Variants in CCBE1 observed in about 807,000 individuals in gnomAD.
The protein encoded by CCBE1 is collagen and calcium binding EGF domains 1.
In CCBE1, 37 loss-of-function variants were observed where a neutral mutation model predicts 50.0. That is an observed-to-expected ratio of 0.74 (90% CI 0.57 to 0.97). The LOEUF is 0.97. Ranked by LOEUF, CCBE1 falls within the 50% of genes least tolerant of loss-of-function variation. CCBE1 has a pLI of 0.00. For missense variants in CCBE1, 538 were observed against 523.8 expected (o/e 1.03, Z -0.26); for synonymous variants, 234 against 203.7 (o/e 1.15, Z -1.27).
At chr18:59,673,075 C>T (rs182786925) in intron 2 of CCBE1, among the ~76,000 whole-genome samples, 12 of 152,212 alleles carry the variant, frequency 7.9e-5, no homozygotes, top group African/African-American at 2.6e-4. Context: ...ATGGCTCCAC[C>T]GCTGGTAAGT....
chr18:59,621,213 C>G (rs1240976791), intron 2 of CCBE1, among the ~76,000 whole-genome samples: 2 of 152,214 alleles, frequency 1.3e-5, no homozygotes, highest in Non-Finnish European at 2.9e-5. Flanking sequence ...CAGCTAAAAG[C>G]AAACTCCCCA....
At chr18:59,540,721 G>A (rs9957878) in intron 2 of CCBE1, among the ~76,000 whole-genome samples, 42,232 of 151,978 alleles carry the variant, frequency 0.28, 6,051 homozygotes, top group African/African-American at 0.33. Flanking sequence ...GTTTTGTTTG[G>A]AACACAGACA....
At chr18:59,602,339 T>A (rs988187026) in intron 2 of CCBE1, among the ~76,000 whole-genome samples, 1 of 152,100 alleles carries the variant, frequency 6.6e-6, no homozygotes, top group Non-Finnish European at 1.5e-5. Context: ...ATCATGAAGT[T>A]ATACACACTA....
chr18:59,600,731 G>A (rs1215959387), intron 2 of CCBE1, among the ~76,000 whole-genome samples: 2 of 152,116 alleles, frequency 1.3e-5, no homozygotes, highest in Non-Finnish European at 2.9e-5. Flanking sequence ...CACTGGGGCT[G>A]GTTACCACCA....
rs151049197 is a variant in CCBE1 at position 59,594,842 on chromosome 18, G to A, written c.212+101787C>T. On this transcript the variant is annotated intron_variant, in intron 2 of 10. Coordinates refer to ENST00000439986, the MANE Select transcript of CCBE1 (RefSeq NM_133459.4). ...AGAATAGCAGTTCTCAGCCGGGCGC[G>A]GTGGCTCACACCTATAATCCCAGCA... Among the ~76,000 whole-genome samples the A allele has an allele frequency of 1.3e-3, 196 of 152,066 alleles. 1 individual carries two copies. The highest frequency in any genetic ancestry group is 4.2e-3 in the African/African-American group (176 of 41,478).
Position 59,466,847 on chromosome 18 carries a change from T to C in CCBE1, c.445A>G (p.Ile149Val), listed in dbSNP as rs202039064. The change falls in exon 5 of 11, where the codon ATC becomes GTC. Residue 149 changes from isoleucine to valine, a missense_variant. Physicochemically the swap from Ile to Val is conservative, Grantham distance 29. Transcript: ENST00000439986. The part of the protein sequence containing the change: ...ASSNGTLCAH[I>V]CINTLGSYRC... ...TAGCTGCCCAAGGTATTGATGCAGA[T>C]GTGGGCACACAGCGTCCCATTGCTG... 19 of 1,613,598 alleles carry C rather than the reference T, an allele frequency of 1.2e-5. No homozygotes were observed. The African/African-American group carries it at 2.4e-4, about 20-fold the overall frequency.
At chr18:59,671,821 A>AGGG (rs1555706971) in intron 2 of CCBE1, among the ~76,000 whole-genome samples, 27 of 139,946 alleles carry the variant, frequency 1.9e-4, no homozygotes, top group South Asian at 9.9e-4. Flanking sequence ...TTAAAAAAAA[A>AGGG]GGGGGGGGGT....
chr18:59,583,972 C>G (rs1483514708), intron 2 of CCBE1, among the ~76,000 whole-genome samples: 6 of 152,086 alleles, frequency 3.9e-5, no homozygotes, highest in Non-Finnish European at 8.8e-5. Flanking sequence ...ACAAGAAATA[C>G]CATTTGACCC....
At chr18:59,579,115 C>T (rs904521279) in intron 2 of CCBE1, among the ~76,000 whole-genome samples, 3 of 152,064 alleles carry the variant, frequency 2.0e-5, no homozygotes, top group Non-Finnish European at 4.4e-5. Context: ...GATTTCTTAT[C>T]CAACTTCTCC....
At chr18:59,484,278 T>G (rs1568164627) in intron 2 of CCBE1, among the ~76,000 whole-genome samples, 1 of 152,214 alleles carries the variant, frequency 6.6e-6, no homozygotes, top group Non-Finnish European at 1.5e-5. Context: ...CTCCAGTGAT[T>G]CATGAGAAAG....
chr18:59,499,648 C>T (rs550062346), intron 2 of CCBE1, among the ~76,000 whole-genome samples: 1 of 152,294 alleles, frequency 6.6e-6, no homozygotes, highest in East Asian at 1.9e-4. Flanking sequence ...AAGAACTGCC[C>T]TCGTGATTCA....
At chr18:59,580,677 G>T (rs2053071050) in intron 2 of CCBE1, among the ~76,000 whole-genome samples, 1 of 152,218 alleles carries the variant, frequency 6.6e-6, no homozygotes, top group Non-Finnish European at 1.5e-5. Context: ...CTGGTGTCTG[G>T]ACGAGGGTGG....
chr18:59,646,710 C>T (rs1482187866), intron 2 of CCBE1, among the ~76,000 whole-genome samples: 1 of 152,232 alleles, frequency 6.6e-6, no homozygotes, highest in Non-Finnish European at 1.5e-5. Flanking sequence ...TCAGCAGAGA[C>T]ATGACAGGTC....
At chr18:59,504,723 C>A (rs1031521675) in intron 2 of CCBE1, among the ~76,000 whole-genome samples, 1 of 152,210 alleles carries the variant, frequency 6.6e-6, no homozygotes, top group East Asian at 1.9e-4. Context: ...GCGATGTCCT[C>A]CTGCCTCCAC....
chr18:59,456,290 G>C (rs1382235882), intron 5 of CCBE1, among the ~76,000 whole-genome samples: 4 of 152,198 alleles, frequency 2.6e-5, no homozygotes, highest in Non-Finnish European at 5.9e-5. Context: ...GTTACAGGTT[G>C]AATTGTGTCC....
chr18:59,549,814 TC>T (rs1464249926), intron 2 of CCBE1, among the ~76,000 whole-genome samples: 2 of 152,224 alleles, frequency 1.3e-5, no homozygotes, highest in Non-Finnish European at 2.9e-5. Context: ...TTGATTCTTC[TC>T]AATAGGCATG....
intron 2 of CCBE1, among the ~76,000 whole-genome samples, chr18:59,536,034 T>G (rs111960619): frequency 3.9e-5 from 6 of 152,358 alleles, no homozygotes; most frequent in African/African-American, 1.4e-4. Context: ...GCTTCAATTT[T>G]GTTTGTAATG....
At chr18:59,690,858 C>A (rs1197416602) in intron 2 of CCBE1, among the ~76,000 whole-genome samples, 1 of 152,208 alleles carries the variant, frequency 6.6e-6, no homozygotes, top group Admixed American at 6.5e-5. Context: ...GTCTGTGGCA[C>A]AATTAAACAC....
At chr18:59,579,274 GA>G (rs2053048616) in intron 2 of CCBE1, among the ~76,000 whole-genome samples, 1 of 151,864 alleles carries the variant, frequency 6.6e-6, no homozygotes, top group Admixed American at 6.6e-5. Context: ...GCAGGAAAAT[GA>G]AAAAAGCAAC....
Sources: gnomAD v4.1 joint callset for allele counts (sites outside exome capture counted in the v4.1 genomes callset) on GRCh38, gnomAD v4.1.1 for gene constraint, MANE v1.5 for transcripts, NCBI Gene and HGNC (gene_info 2026-07-23, HGNC 2026-07-21) for gene names.